Variants in BMAL2 observed in about 807,000 individuals in gnomAD.
BMAL2 encodes basic helix-loop-helix ARNT like 2.
chr12:27,387,257 A>G, the BMAL2 span: 1 of 1,612,432 alleles, frequency 6.2e-7, no homozygotes, highest in Non-Finnish European at 8.5e-7. Context: ...TTGTGGTTGG[A>G]TGTGAAAGAG....
the BMAL2 span, chr12:27,370,025 G>C: frequency 1.3e-6 from 1 of 771,738 alleles, no homozygotes; most frequent in Non-Finnish European, 2.2e-6. Context: ...TCCTATCACT[G>C]GGTAGCTGGA....
chr12:27,391,772 A>C, the BMAL2 span, among the ~76,000 whole-genome samples: 4 of 152,216 alleles, frequency 2.6e-5, no homozygotes, highest in Non-Finnish European at 5.9e-5. Flanking sequence ...TAAACCCCCT[A>C]CTCTGTGTTA....
the BMAL2 span, among the ~76,000 whole-genome samples, chr12:27,339,247 T>C: frequency 3.9e-5 from 6 of 152,242 alleles, no homozygotes; most frequent in Admixed American, 3.9e-4. Flanking sequence ...TTGCTAAGGA[T>C]AATGGCCTCC....
the BMAL2 span, among the ~76,000 whole-genome samples, chr12:27,361,417 G>T: frequency 6.6e-6 from 1 of 152,054 alleles, no homozygotes; most frequent in South Asian, 2.1e-4. Flanking sequence ...AGGCAATCAC[G>T]ATATCTTCGT....
chr12:27,379,045 AT>A, the BMAL2 span, among the ~76,000 whole-genome samples: 2 of 151,958 alleles, frequency 1.3e-5, no homozygotes, highest in African/African-American at 4.8e-5. Flanking sequence ...AAAAAAAAAA[AT>A]CTCATAATGT....
the BMAL2 span, among the ~76,000 whole-genome samples, chr12:27,402,135 G>A: frequency 6.6e-6 from 1 of 152,172 alleles, no homozygotes; most frequent in African/African-American, 2.4e-5. Context: ...GCTCTGGTCT[G>A]TAGCTGTGTC....
the BMAL2 span, among the ~76,000 whole-genome samples, chr12:27,349,575 C>T: frequency 6.6e-6 from 1 of 152,104 alleles, no homozygotes; most frequent in Non-Finnish European, 1.5e-5. Context: ...TTCAGTCTGA[C>T]CATTTATATG....
At chr12:27,363,315 C>T in the BMAL2 span, among the ~76,000 whole-genome samples, 3 of 152,168 alleles carry the variant, frequency 2.0e-5, no homozygotes, top group Non-Finnish European at 2.9e-5. Context: ...AGCTAATACA[C>T]AGTAAGAGTT....
At chr12:27,379,757 AG>A in the BMAL2 span, among the ~76,000 whole-genome samples, 1 of 151,984 alleles carries the variant, frequency 6.6e-6, no homozygotes, top group Non-Finnish European at 1.5e-5. Flanking sequence ...GAGTTTGCTG[AG>A]GGGGGAAGAC....
the BMAL2 span, among the ~76,000 whole-genome samples, chr12:27,356,965 T>C: frequency 6.6e-6 from 1 of 151,530 alleles, no homozygotes; most frequent in South Asian, 2.1e-4. Context: ...CTTTGTGTCC[T>C]CATAGCTTAG....
the BMAL2 span, among the ~76,000 whole-genome samples, chr12:27,408,544 C>A: frequency 2.0e-5 from 3 of 152,200 alleles, no homozygotes; most frequent in East Asian, 3.8e-4. Context: ...AATTCAACAA[C>A]GCTTCATGCT....
chr12:27,350,028 G>T, the BMAL2 span, among the ~76,000 whole-genome samples: 1 of 152,194 alleles, frequency 6.6e-6, no homozygotes, highest in Non-Finnish European at 1.5e-5. Flanking sequence ...ATTTGATGAA[G>T]TTCACACAGT....
the BMAL2 span, among the ~76,000 whole-genome samples, chr12:27,363,354 G>A: frequency 6.6e-6 from 1 of 152,280 alleles, no homozygotes; most frequent in African/African-American, 2.4e-5. Context: ...GGAATGCCAA[G>A]TCATATATTA....
At chr12:27,371,051 A>G in the BMAL2 span, among the ~76,000 whole-genome samples, 3 of 152,246 alleles carry the variant, frequency 2.0e-5, no homozygotes, top group African/African-American at 4.8e-5. Context: ...GAAAAGATAC[A>G]AACAATTATT....
chr12:27,377,635 G>T, the BMAL2 span: 1 of 152,148 alleles, frequency 6.6e-6, no homozygotes, highest in Non-Finnish European at 1.5e-5. Context: ...CAGCTCCTTG[G>T]AAGGCAGAGG....
the BMAL2 span, among the ~76,000 whole-genome samples, chr12:27,395,598 C>T: frequency 1.2e-4 from 18 of 152,188 alleles, 1 homozygote; most frequent in South Asian, 2.9e-3. Context: ...TGAGAATGTA[C>T]TAATCAAATT....
chr12:27,418,164 C>T, the BMAL2 span: 3 of 1,613,236 alleles, frequency 1.9e-6, no homozygotes, highest in Non-Finnish European at 1.7e-6. Flanking sequence ...AACCAGAGTA[C>T]TGTTGCTGTC....
the BMAL2 span, among the ~76,000 whole-genome samples, chr12:27,398,437 T>C: frequency 6.6e-6 from 1 of 152,196 alleles, no homozygotes; most frequent in African/African-American, 2.4e-5. Context: ...AATATTTAGA[T>C]AAAAAGCTAA....
chr12:27,393,348 T>A, the BMAL2 span, among the ~76,000 whole-genome samples: 1 of 152,216 alleles, frequency 6.6e-6, no homozygotes, highest in Admixed American at 6.5e-5. Flanking sequence ...TGCATTGGAA[T>A]CACCTGGAAG....
Sources: gnomAD v4.1 joint callset for allele counts (sites outside exome capture counted in the v4.1 genomes callset) on GRCh38, gnomAD v4.1.1 for gene constraint, MANE v1.5 for transcripts, NCBI Gene and HGNC (gene_info 2026-07-23, HGNC 2026-07-21) for gene names.